PKIG: variants seen among roughly 807,000 people sequenced by gnomAD.
PKIG encodes cAMP-dependent protein kinase inhibitor gamma, also known as protein kinase (cAMP-dependent, catalytic) inhibitor gamma.
In PKIG, 1 loss-of-function variant was observed where a neutral mutation model predicts 6.8. That is an observed-to-expected ratio of 0.15 (90% CI 0.05 to 0.69). The LOEUF (loss-of-function observed/expected upper bound fraction) is 0.69. PKIG is among the 30% of genes least tolerant of loss of function. The pLI is 0.82. For synonymous variants in PKIG, 39 were observed against 43.0 expected (o/e 0.91, Z 0.36); for missense variants, 77 against 104.0 (o/e 0.74, Z 1.13).
At chr20:44,588,240 T>C (rs914259712) in intron 1 of PKIG, among the ~76,000 whole-genome samples, 1 of 152,244 alleles carries the variant, frequency 6.6e-6, no homozygotes, top group African/African-American at 2.4e-5. Flanking sequence ...GCATGGCCTT[T>C]ACCTGCATGA....
At chr20:44,574,921 T>C (rs995269503) in intron 1 of PKIG, among the ~76,000 whole-genome samples, 1 of 152,224 alleles carries the variant, frequency 6.6e-6, no homozygotes, top group Non-Finnish European at 1.5e-5. Context: ...ATAACCACAC[T>C]ATCACACATA....
intron 1 of PKIG, among the ~76,000 whole-genome samples, chr20:44,537,504 G>A (rs2123130254): frequency 6.6e-6 from 1 of 152,146 alleles, no homozygotes; most frequent in African/African-American, 2.4e-5. Context: ...AAAGTGCTGG[G>A]ATTACAGGCG....
At chr20:44,560,887 G>A (rs6017364) in intron 1 of PKIG, among the ~76,000 whole-genome samples, 10,700 of 152,200 alleles carry the variant, frequency 0.07, 410 homozygotes, top group South Asian at 0.15. Flanking sequence ...TAGCACATGG[G>A]ATTAAAACCA....
intron 2 of PKIG, among the ~76,000 whole-genome samples, chr20:44,610,367 C>T (rs2065203390): frequency 6.6e-6 from 1 of 152,118 alleles, no homozygotes; most frequent in Non-Finnish European, 1.5e-5. Flanking sequence ...CTTTGAGGGC[C>T]CCTAATTCAT....
chr20:44,592,194 CAAA>C (rs1426942687), intron 2 of PKIG, among the ~76,000 whole-genome samples: 8 of 152,300 alleles, frequency 5.3e-5, no homozygotes, highest in Middle Eastern at 3.4e-3. Context: ...AACCGAGACT[CAAA>C]GAGGTGGAAC....
In PKIG at chr20:44,607,345, A is replaced by G. The variant is rs955830757; in HGVS notation, c.-23-7189A>G. 4.4e-5 allele frequency among the ~76,000 whole-genome samples: 6 copies of G among 136,426 alleles called. No individual in the cohort carries two copies. In the East Asian group the frequency reaches 1.0e-3, roughly 24 times the overall value. The allele number at this position is 136,426 out of a possible 152,430, so 89.5% of individuals were successfully genotyped here. On this transcript the variant is annotated intron_variant, in intron 2 of 3. Transcript: ENST00000372886. Reference sequence around the variant, plus strand: ...TGTGTGTGTGTGTTTGTGTGTGTATATGTGTGTGTGTGTGTATATATATAT... The same window carrying G: ...TGTGTGTGTGTGTTTGTGTGTGTATGTGTGTGTGTGTGTGTATATATATAT...
intron 1 of PKIG, among the ~76,000 whole-genome samples, chr20:44,575,206 C>T (rs1435732130): frequency 6.6e-6 from 1 of 152,168 alleles, no homozygotes; most frequent in Non-Finnish European, 1.5e-5. Context: ...GCATGCGCCA[C>T]CATGCCTGGC....
chr20:44,610,480 CT>C (rs1186469198), intron 2 of PKIG, among the ~76,000 whole-genome samples: 1 of 131,914 alleles, frequency 7.6e-6, no homozygotes, highest in African/African-American at 3.2e-5. Context: ...CTCTCTCTCT[CT>C]CTCTTCTCTC....
At chr20:44,568,199 T>C (rs1441473530) in intron 1 of PKIG, among the ~76,000 whole-genome samples, 2 of 152,214 alleles carry the variant, frequency 1.3e-5, no homozygotes, top group African/African-American at 4.8e-5. Flanking sequence ...AGTCAGTGTA[T>C]GCACATTTTG....
intron 1 of PKIG, among the ~76,000 whole-genome samples, chr20:44,532,950 A>G (rs1020463974): frequency 6.6e-5 from 10 of 152,238 alleles, no homozygotes; most frequent in African/African-American, 2.4e-4. Flanking sequence ...GGTGTTTGAG[A>G]GACAAGCAGG....
chr20:44,578,322 C>T (rs918122058), upstream of PKIG, among the ~76,000 whole-genome samples: 6 of 139,336 alleles, frequency 4.3e-5, no homozygotes, highest in African/African-American at 1.7e-4. Context: ...GCCTGAGACT[C>T]CATCTCAAAA....
intron 1 of PKIG, among the ~76,000 whole-genome samples, chr20:44,555,184 T>A (rs1356545728): frequency 6.6e-6 from 1 of 152,196 alleles, no homozygotes; most frequent in African/African-American, 2.4e-5. Context: ...TCGTCAGTAT[T>A]AGAAATTAAG....
chr20:44,568,780 A>T (rs2064831121), intron 1 of PKIG, among the ~76,000 whole-genome samples: 1 of 152,036 alleles, frequency 6.6e-6, no homozygotes, highest in Admixed American at 6.6e-5. Context: ...ATGTCATCAG[A>T]TATTCTTCGA....
intron 2 of PKIG, among the ~76,000 whole-genome samples, chr20:44,609,258 C>T (rs1050073563): frequency 1.8e-4 from 28 of 152,198 alleles, no homozygotes; most frequent in African/African-American, 6.8e-4. Context: ...CATTTGCTGT[C>T]TCTGTGTCCC....
intron 1 of PKIG, among the ~76,000 whole-genome samples, chr20:44,552,283 A>G (rs1360951859): frequency 1.3e-5 from 2 of 152,152 alleles, no homozygotes; most frequent in East Asian, 3.8e-4. Flanking sequence ...CTGTCTTGTG[A>G]CACTAAGCAC....
In PKIG at chr20:44,544,925, C is replaced by CTTTTTTTTTTTTT. The variant is rs796482642; in HGVS notation, c.-241+12963_-241+12975dup. Among the ~76,000 whole-genome samples, 71 of 64,392 alleles carry CTTTTTTTTTTTTT rather than the reference C, an allele frequency of 1.1e-3. 5 individuals are homozygous for CTTTTTTTTTTTTT. The highest frequency in any genetic ancestry group is 4.0e-3 in the African/African-American group (54 of 13,386). The allele number at this position is 64,392 out of a possible 152,430, so 42.2% of individuals were successfully genotyped here. A position where few individuals can be genotyped will look rare whatever the true frequency, so the allele number is the denominator to read the frequency against. On this transcript the variant is annotated intron_variant, in intron 1 of 4. Coordinates refer to the PKIG transcript ENST00000372887. Reference sequence around the variant, plus strand: ...TCTTTCTTTCTTTCCTTCCTTCTTTCTTTTTTTTTTTTTTTTTTTTTTTTT... The same window carrying CTTTTTTTTTTTTT: ...TCTTTCTTTCTTTCCTTCCTTCTTTCTTTTTTTTTTTTTTTTTTTTTTTTTTTTTTTTTTTTTT...
chr20:44,570,810 T>C (rs244115), intron 1 of PKIG, among the ~76,000 whole-genome samples: 34,823 of 152,118 alleles, frequency 0.23, 5,318 homozygotes, highest in African/African-American at 0.43. Context: ...GATAGGTAGA[T>C]GGGTGGTTAT....
chr20:44,535,308 A>C (rs1238250284), intron 1 of PKIG, among the ~76,000 whole-genome samples: 5 of 152,156 alleles, frequency 3.3e-5, no homozygotes, highest in Non-Finnish European at 7.3e-5. Context: ...GGTGTCTATC[A>C]TAAGACATCA....
At chr20:44,545,627 T>A (rs2064606796) in intron 1 of PKIG, among the ~76,000 whole-genome samples, 1 of 150,008 alleles carries the variant, frequency 6.7e-6, no homozygotes, top group Admixed American at 6.6e-5. Flanking sequence ...TTGAGACCAA[T>A]CTGGGCAACA....
Sources: allele counts gnomAD v4.1 joint callset (sites outside exome capture counted in the v4.1 genomes callset), GRCh38; gene constraint gnomAD v4.1.1; transcripts MANE v1.5; gene names NCBI Gene and HGNC (gene_info 2026-07-23, HGNC 2026-07-21).